Variants in TULP4 observed in about 807,000 individuals in gnomAD.
TULP4 encodes the protein tubby-related protein 4.
In TULP4, 16 loss-of-function variants were observed where a neutral mutation model predicts 129.0. That is an observed-to-expected ratio of 0.12 (90% CI 0.08 to 0.19). TULP4 has a LOEUF of 0.19. Ranked by LOEUF, TULP4 falls within the 10% of genes least tolerant of loss-of-function variation. The pLI is 1.00. For missense variants in TULP4, 1,842 were observed against 2,059.1 expected, an observed-to-expected ratio of 0.89 and a Z score of 2.04; for synonymous variants, 998 against 854.0, an observed-to-expected ratio of 1.17 and a Z score of -2.94.
In TULP4 at chr6:158,384,530, C is replaced by T. The variant is rs539309400; in HGVS notation, c.253-28535C>T. Among the ~76,000 whole-genome samples the T allele has an allele frequency of 2.6e-5, 4 of 152,260 alleles. No individual in the cohort carries two copies. In the South Asian group the frequency reaches 8.3e-4, roughly 32 times the overall value. ...ATCTTGATCTCCTGACCTCATGATC[C>T]ACCCTCCTCAGCCTCCCAAAGTGCT... On this transcript the variant is annotated intron_variant, in intron 1 of 13. Coordinates refer to ENST00000367097, the MANE Select transcript of TULP4 (RefSeq NM_020245.5).
Position 158,349,261 on chromosome 6 carries a change from G to A in TULP4, c.252+34993G>A, listed in dbSNP as rs192666804. Among the ~76,000 whole-genome samples the A allele has an allele frequency of 7.0e-4, 100 of 143,028 alleles. 5 individuals carry two copies. The highest frequency in any genetic ancestry group is 2.2e-3 in the African/African-American group (85 of 38,834). The allele number at this position is 143,028 out of a possible 152,430, so 93.8% of individuals were successfully genotyped here. On this transcript the variant is annotated intron_variant, in intron 1 of 13. Coordinates refer to ENST00000367097, the MANE Select transcript of TULP4 (RefSeq NM_020245.5). ...ACATCCCAGATGGGGCGGCCGGGCAGAGGCGCTCCTCACCTCCCAGATGGG... is the reference window on the plus strand; with the variant it reads ...ACATCCCAGATGGGGCGGCCGGGCAAAGGCGCTCCTCACCTCCCAGATGGG...
intron 8 of TULP4, among the ~76,000 whole-genome samples, chr6:158,483,870 T>C (rs1780004485): frequency 6.6e-6 from 1 of 152,080 alleles, no homozygotes; most frequent in Non-Finnish European, 1.5e-5. Flanking sequence ...GGCAGATATG[T>C]TCCTCAAAAT....
intron 1 of TULP4, among the ~76,000 whole-genome samples, chr6:158,387,699 CT>C (rs1313877186): frequency 6.6e-6 from 1 of 151,886 alleles, no homozygotes; most frequent in Non-Finnish European, 1.5e-5. Context: ...ATTGTGGCTT[CT>C]TTTTTTTCTT....
rs557678837 is a variant in TULP4, at chr6:158,427,471, C to CTTTTTTTTTTTTTTTTTTTTT, written c.382-2244_382-2224dup. Among the ~76,000 whole-genome samples, 14 of 74,136 alleles carry CTTTTTTTTTTTTTTTTTTTTT rather than the reference C, an allele frequency of 1.9e-4. 2 individuals carry two copies. Among genetic ancestry groups the CTTTTTTTTTTTTTTTTTTTTT allele is most frequent in the Admixed American group, 5.4e-4 (3 of 5,548 alleles). 48.6% of individuals were successfully genotyped at this position (74,136 alleles called of 152,430 possible). ...AAATTCCTTTTCAAAATTATCAGAC[C>CTTTTTTTTTTTTTTTTTTTTT]TTTTTTTTTTTTTTTTTTTTTTTTT... On this transcript the variant is annotated intron_variant, in intron 2 of 13. Coordinates refer to ENST00000367097, the MANE Select transcript of TULP4 (RefSeq NM_020245.5).
chr6:158,372,971 T>C (rs1777104264), intron 1 of TULP4, among the ~76,000 whole-genome samples: 1 of 152,224 alleles, frequency 6.6e-6, no homozygotes, highest in Admixed American at 6.5e-5. Flanking sequence ...ATGGAAACTT[T>C]TAGCATTGTG....
At chr6:158,367,498 G>C (rs1794692416) in intron 1 of TULP4, among the ~76,000 whole-genome samples, 1 of 152,074 alleles carries the variant, frequency 6.6e-6, no homozygotes, top group South Asian at 2.1e-4. Flanking sequence ...GCAGCCATAT[G>C]GTATCTGTTT....
At chr6:158,300,204 G>A (rs1168397930) in intron 1 of TULP4, among the ~76,000 whole-genome samples, 1 of 152,190 alleles carries the variant, frequency 6.6e-6, no homozygotes, top group East Asian at 1.9e-4. Flanking sequence ...ACAGGGGATT[G>A]ATGATCTCCT....
chr6:158,479,778 C>T lies in TULP4; in HGVS notation c.1054C>T (p.His352Tyr). The T allele has an allele frequency of 6.2e-7, 1 of 1,613,944 alleles. No individual in the cohort carries two copies. The highest frequency in any genetic ancestry group is 8.5e-7 in the Non-Finnish European group (1 of 1,179,900). ...CCCCATCATCTCCATCTGCTGGGGT[C>T]ACCGGGATTCGAGGCTGTTGATGGC... The part of the protein sequence containing the change: ...QRPIISICWG[H>Y]RDSRLLMASG... Residue 352 changes from histidine to tyrosine, a missense_variant, in exon 7 of 14, where the codon CAC (histidine) becomes TAC (tyrosine). By Grantham distance (83) the His-to-Tyr change is moderately conservative. Coordinates refer to ENST00000367097, the MANE Select transcript of TULP4 (RefSeq NM_020245.5).
chr6:158,472,306 A>G (rs1779704648), intron 6 of TULP4, among the ~76,000 whole-genome samples: 1 of 152,200 alleles, frequency 6.6e-6, no homozygotes, highest in South Asian at 2.1e-4. Flanking sequence ...TGAAAGTAAC[A>G]TGGATCCTGA....
chr6:158,303,755 G>A (rs1779168207), intron 1 of TULP4, among the ~76,000 whole-genome samples: 1 of 152,220 alleles, frequency 6.6e-6, no homozygotes, highest in Non-Finnish European at 1.5e-5. Flanking sequence ...GCTATTTGCA[G>A]GGTATTCACG....
chr6:158,237,258 TC>T (rs1296676224), intron 1 of TULP4: 1 of 1,014,152 alleles, frequency 9.9e-7, no homozygotes, highest in Non-Finnish European at 1.5e-6. Flanking sequence ...GTTCTGTGCT[TC>T]TTGCTGTATT....
chr6:158,236,883 G>A (rs1347255576), intron 1 of TULP4, among the ~76,000 whole-genome samples: 2 of 131,148 alleles, frequency 1.5e-5, no homozygotes, highest in African/African-American at 3.0e-5. Context: ...GCCCCATCTC[G>A]GCTCACTGCA....
intron 1 of TULP4, among the ~76,000 whole-genome samples, chr6:158,286,076 A>AT (rs774072434): frequency 6.6e-6 from 1 of 152,232 alleles, no homozygotes; most frequent in Non-Finnish European, 1.5e-5. Flanking sequence ...TTAACAATAT[A>AT]TAGGTATTCA....
At chr6:158,297,421 A>G (rs1411823473) in intron 1 of TULP4, among the ~76,000 whole-genome samples, 1 of 152,146 alleles carries the variant, frequency 6.6e-6, no homozygotes, top group Non-Finnish European at 1.5e-5. Flanking sequence ...AGTTAACGCA[A>G]TCATCACAGG....
chr6:158,324,672 G>A (rs138901217), intron 1 of TULP4, among the ~76,000 whole-genome samples: 565 of 152,274 alleles, frequency 3.7e-3, no homozygotes, highest in Middle Eastern at 0.01. Context: ...ATTTGTGTGT[G>A]TGTGCTATGT....
intron 1 of TULP4, among the ~76,000 whole-genome samples, chr6:158,342,921 A>G (rs1406125950): frequency 6.6e-6 from 1 of 150,570 alleles, no homozygotes; most frequent in Non-Finnish European, 1.5e-5. Flanking sequence ...TAGGCTTCCT[A>G]TAGTGAACGA....
intron 1 of TULP4, among the ~76,000 whole-genome samples, chr6:158,319,230 G>A (rs1174022439): frequency 6.6e-6 from 1 of 152,094 alleles, no homozygotes; most frequent in Non-Finnish European, 1.5e-5. Flanking sequence ...TAATTGACAG[G>A]AGCTCCCCTT....
intron 1 of TULP4, among the ~76,000 whole-genome samples, chr6:158,385,688 A>T (rs1420748642): frequency 6.8e-6 from 1 of 148,044 alleles, no homozygotes; most frequent in East Asian, 1.9e-4. Context: ...ATATACATAT[A>T]ATTTATTACA....
At chr6:158,362,194 G>A (rs1780807123) in intron 1 of TULP4, among the ~76,000 whole-genome samples, 1 of 152,168 alleles carries the variant, frequency 6.6e-6, no homozygotes, top group Non-Finnish European at 1.5e-5. Context: ...TACTGACTCT[G>A]ACCACAGACT....
Sources: gnomAD v4.1 joint callset for allele counts (sites outside exome capture counted in the v4.1 genomes callset) on GRCh38, gnomAD v4.1.1 for gene constraint, MANE v1.5 for transcripts, NCBI Gene and HGNC (gene_info 2026-07-23, HGNC 2026-07-21) for gene names.